The following FBN1 variants were observed in gnomAD, a reference collection of about 807,000 sequenced individuals.
The protein encoded by FBN1 is fibrillin-1.
FBN1 carries 29 observed loss-of-function variants against 365.1 expected under a neutral mutation model. The ratio of observed to expected loss-of-function variants is 0.08; its 90% confidence interval spans 0.06 to 0.11. The LOEUF (loss-of-function observed/expected upper bound fraction) is 0.11, where lower values mean the gene tolerates loss of function less well. FBN1 is among the 10% of genes least tolerant of loss of function. The pLI, the probability that FBN1 is intolerant of heterozygous loss-of-function variation, is 1.00. For missense variants in FBN1, 2,476 were observed against 3,703.2 expected (o/e 0.67, Z 8.60); for synonymous variants, 1,210 against 1,270.5 (o/e 0.95, Z 1.01).
intron 32 of FBN1, among the ~76,000 whole-genome samples, chr15:48,477,985 G>A (rs1000121004): frequency 5.3e-5 from 8 of 152,240 alleles, no homozygotes; most frequent in Admixed American, 2.0e-4. Flanking sequence ...GCTTGTGCCC[G>A]GGGCTGCTGT....
intron 4 of FBN1, 26 bp from the exon 5 acceptor site, chr15:48,600,260 C>A: frequency 6.4e-7 from 1 of 1,567,856 alleles, no homozygotes; most frequent in Non-Finnish European, 8.8e-7. Context: ...GAAGAATTCA[C>A]TTTTGCAACT....
chr15:48,552,871 TA>T (rs1271059518), intron 6 of FBN1, among the ~76,000 whole-genome samples: 2 of 152,192 alleles, frequency 1.3e-5, no homozygotes, highest in Non-Finnish European at 2.9e-5. Flanking sequence ...AACCAAATTT[TA>T]CCCAAATGCA....
In FBN1 at chr15:48,424,462, T is replaced by TTAAC. The variant is rs562954202; in HGVS notation, c.7453+906_7453+907insGTTA. Among the ~76,000 whole-genome samples, 225 of 152,326 alleles carry TTAAC rather than the reference T, an allele frequency of 1.5e-3. 1 individual carries two copies. Among genetic ancestry groups the TTAAC allele is most frequent in the African/African-American group, 5.1e-3 (213 of 41,574 alleles). On this transcript the variant is annotated intron_variant, in intron 60 of 65. Coordinates refer to ENST00000316623, the MANE Select transcript of FBN1 (RefSeq NM_000138.5). ...CTCCACCCTTCTAGCCTCTTCTCAG[T>TTAAC]TCAGTGGTACACACAGCTGCATCAT...
intron 60 of FBN1, among the ~76,000 whole-genome samples, chr15:48,423,176 T>G (rs892810067): frequency 2.0e-5 from 3 of 152,220 alleles, no homozygotes; most frequent in Non-Finnish European, 4.4e-5. Context: ...AATTTTAAAA[T>G]TGTCGCATAT....
chr15:48,509,988 C>G, intron 14 of FBN1, 56 bp downstream of exon 14: 1 of 1,587,200 alleles, frequency 6.3e-7, no homozygotes, highest in Non-Finnish European at 8.6e-7. Flanking sequence ...GTTAAAGACC[C>G]CTGATATTGA....
At chr15:48,603,162 A>G (rs986989960) in intron 4 of FBN1, among the ~76,000 whole-genome samples, 1 of 152,226 alleles carries the variant, frequency 6.6e-6, no homozygotes, top group African/African-American at 2.4e-5. Context: ...TCCCTGATAT[A>G]TATTTTTTAC....
chr15:48,511,860 G>C lies in FBN1; in HGVS notation c.1588+1689C>G, dbSNP rs547522008. On this transcript the variant is annotated intron_variant, in intron 13 of 65. Transcript: ENST00000316623. The stretch of plus-strand genomic sequence containing the variant: ...ACTGGCTGGTCCTTGCCCCAGCTGA[G>C]TGCTCTCAATAACCACCTCTCTTTG... Among the ~76,000 whole-genome samples the C allele has an allele frequency of 7.2e-5, 11 of 152,296 alleles. 1 individual carries two copies. The South Asian group carries it at 2.3e-3, about 32-fold the overall frequency.
At chr15:48,636,505 G>A (rs942584976) in intron 2 of FBN1, among the ~76,000 whole-genome samples, 18 of 152,070 alleles carry the variant, frequency 1.2e-4, no homozygotes, top group Admixed American at 9.2e-4. Flanking sequence ...AGGCCTAGTC[G>A]CTGCATCTGG....
At chr15:48,442,518 T>C (rs2043124161) in intron 49 of FBN1, among the ~76,000 whole-genome samples, 2 of 152,220 alleles carry the variant, frequency 1.3e-5, no homozygotes, top group South Asian at 4.1e-4. Context: ...TAGGAAACTG[T>C]ACACTTAGAA....
chr15:48,562,758 G>C (rs1473700514), intron 6 of FBN1, among the ~76,000 whole-genome samples: 3 of 152,070 alleles, frequency 2.0e-5, no homozygotes, highest in Non-Finnish European at 4.4e-5. Flanking sequence ...CCTACAGCTG[G>C]GGTCTTCCAG....
In FBN1 at chr15:48,552,266, CT is replaced by C. The variant is rs1008007527; in HGVS notation, c.539-14459del. Reference sequence around the variant, plus strand: ...GAAAGAAGAACCTCAGTTTCAATGACTTTTTTTTTCTTTTTTTTTTTTTTGA... The same window carrying C: ...GAAAGAAGAACCTCAGTTTCAATGACTTTTTTTTCTTTTTTTTTTTTTTGA... On this transcript the variant is annotated intron_variant, in intron 6 of 65. Coordinates refer to ENST00000316623, the MANE Select transcript of FBN1 (RefSeq NM_000138.5). Among the ~76,000 whole-genome samples, 393 of 143,328 alleles carry C rather than the reference CT, an allele frequency of 2.7e-3. 2 individuals carry two copies. The highest frequency in any genetic ancestry group is 9.1e-3 in the African/African-American group (363 of 40,074). 94.0% of individuals were successfully genotyped at this position (143,328 alleles called of 152,430 possible).
At chr15:48,609,085 A>C (rs1225838623) in intron 4 of FBN1, among the ~76,000 whole-genome samples, 1 of 152,238 alleles carries the variant, frequency 6.6e-6, no homozygotes, top group Non-Finnish European at 1.5e-5. Context: ...CTTATGCTTC[A>C]GCGGCAGCCT....
intron 8 of FBN1, among the ~76,000 whole-genome samples, chr15:48,530,675 G>T (rs1280460018): frequency 6.6e-6 from 1 of 152,074 alleles, no homozygotes; most frequent in Non-Finnish European, 1.5e-5. Context: ...AGTGGGTTAA[G>T]CCGCCCCGGG....
intron 2 of FBN1, among the ~76,000 whole-genome samples, chr15:48,632,407 G>C (rs990053308): frequency 6.6e-6 from 1 of 152,068 alleles, no homozygotes; most frequent in African/African-American, 2.4e-5. Context: ...AACATGTCAG[G>C]CATAGTACTA....
chr15:48,515,424 G>C lies in FBN1; in HGVS notation c.1431C>G (p.Asn477Lys). The C allele has an allele frequency of 6.2e-7, 1 of 1,613,984 alleles. No individual in the cohort carries two copies. Among genetic ancestry groups the C allele is most frequent in the Non-Finnish European group, 8.5e-7 (1 of 1,179,914 alleles). The change falls in exon 12 of 66, where the codon AAC becomes AAG. Residue 477 changes from asparagine (N) to lysine (K), a missense_variant. Asn to Lys is a moderately conservative substitution (Grantham distance 94). Transcript: ENST00000316623. The part of the protein sequence containing the change: ...PTPGSYRCEC[N>K]KGFQLDLRGE... ...CACGGAGGTCCAGCTGGAACCCTTT[G>C]TTGCACTCACACCGGTAACTCCCAG...
chr15:48,551,471 G>T (rs2044140956), intron 6 of FBN1, among the ~76,000 whole-genome samples: 3 of 151,252 alleles, frequency 2.0e-5, no homozygotes, highest in Admixed American at 2.0e-4. Flanking sequence ...GTGACATGCA[G>T]ATCAAGTCCA....
chr15:48,412,573 A>T lies in FBN1; in HGVS notation c.8222T>A (p.Ile2741Asn). Residue 2741 changes from isoleucine (I) to asparagine (N), a missense_variant, in exon 65 of 66, where the codon ATC (isoleucine) becomes AAC (asparagine). This residue lies in a region of FBN1 where 177 missense variants were observed against 192.7 expected (regional missense o/e 0.92). Transcript: ENST00000316623. Reference sequence around the variant, plus strand: ...AGAAACTAACTTCTGACCCACCTCGATATTGGAGGCATCAGTTTCGTTTGT... The same window carrying T: ...AGAAACTAACTTCTGACCCACCTCGTTATTGGAGGCATCAGTTTCGTTTGT... ...RSTNETDASNIEDQSETEANV... is the reference protein window; with the variant it reads ...RSTNETDASNNEDQSETEANV... 1 of 1,613,910 alleles carries T rather than the reference A, an allele frequency of 6.2e-7. No homozygotes were observed.
chr15:48,445,408 T>C lies in FBN1; in HGVS notation c.5885A>G (p.Tyr1962Cys), dbSNP rs1346043320. Residue 1962 changes from tyrosine to cysteine, a missense_variant, in exon 48 of 66, where the codon TAT (tyrosine) becomes TGT (cysteine). By Grantham distance (194) the Tyr-to-Cys change is radical. Transcript: ENST00000316623. ...GGTCCTCCCATCTGGAGCCACCTCA[T>C]AGCCTTCATTGCACTGGCACTGGAA... is the stretch of plus-strand genomic sequence containing the variant. The part of the protein sequence containing the change: ...GSFQCQCNEG[Y>C]EVAPDGRTCV... 1.9e-6 allele frequency: 3 copies of C among 1,612,800 alleles called. No homozygotes were observed. Among genetic ancestry groups the C allele is most frequent in the Non-Finnish European group, 1.7e-6 (2 of 1,179,192 alleles).
At chr15:48,619,074 C>A (rs974507907) in intron 2 of FBN1, among the ~76,000 whole-genome samples, 3 of 152,020 alleles carry the variant, frequency 2.0e-5, no homozygotes, top group Non-Finnish European at 4.4e-5. Context: ...CTGAAACCAT[C>A]CCCCCATCCC....
Sources: allele counts gnomAD v4.1 joint callset (sites outside exome capture counted in the v4.1 genomes callset), GRCh38; gene constraint gnomAD v4.1.1; regional missense constraint gnomAD v4.1.1; transcripts MANE v1.5; gene names NCBI Gene and HGNC (gene_info 2026-07-23, HGNC 2026-07-21).